Variants in SETD4 observed in about 807,000 individuals in gnomAD.
SETD4 encodes the protein SET domain-containing protein 4.
In SETD4, 46 loss-of-function variants were observed where a neutral mutation model predicts 58.3. That is an observed-to-expected ratio of 0.79 (90% CI 0.62 to 1.01). SETD4 has a LOEUF of 1.01. Ranked by LOEUF, SETD4 falls within the 50% of genes least tolerant of loss-of-function variation. The probability of loss-of-function intolerance (pLI) is 0.00; values close to 1 mark genes in which losing one functional copy is unlikely to be tolerated. For missense variants in SETD4, 490 were observed against 523.3 expected (o/e 0.94, Z 0.62); for synonymous variants, 190 against 202.6 (o/e 0.94, Z 0.53).
chr21:36,055,507 G>C (rs551934544), intron 3 of SETD4, among the ~76,000 whole-genome samples: 92 of 152,302 alleles, frequency 6.0e-4, no homozygotes, highest in African/African-American at 2.1e-3. Context: ...AGGCAGAAAA[G>C]AAGAGAGAGT....
rs186915509 is a variant in SETD4, at chr21:36,036,438, A to G, written c.1189-187T>C. 9 of 303,332 alleles carry G rather than the reference A, an allele frequency of 3.0e-5. No homozygotes were observed. In the East Asian group the frequency reaches 1.4e-3, roughly 47 times the overall value. 18.8% of individuals were successfully genotyped at this position (303,332 alleles called of 1,614,324 possible). On this transcript the variant is annotated intron_variant, in intron 10 of 11. Transcript: ENST00000332131. ...CTATCACCCAAACAGAAACTCTACA[A>G]GCATACATCAATAACCCTATTCCCC...
intron 4 of SETD4, among the ~76,000 whole-genome samples, chr21:36,052,638 T>C (rs995282891): frequency 1.3e-5 from 2 of 151,366 alleles, no homozygotes; most frequent in African/African-American, 2.4e-5. Flanking sequence ...TGTACACATC[T>C]GAGTGCAAGT....
In SETD4 at chr21:36,038,319, A is replaced by G. The variant is rs1204466359; in HGVS notation, c.1065-46T>C. On this transcript the variant is annotated intron_variant, in intron 9 of 11. Transcript: ENST00000332131. ...GACACAATTTTAGCAGGCTCTCAAAAAACAGATTTTTTTGTTTCAGTGCAA... is the reference window on the plus strand; with the variant it reads ...GACACAATTTTAGCAGGCTCTCAAAGAACAGATTTTTTTGTTTCAGTGCAA... 3 of 1,599,320 alleles carry G rather than the reference A, an allele frequency of 1.9e-6. No homozygotes were observed. In the African/African-American group the frequency reaches 4.1e-5, roughly 22 times the overall value.
chr21:36,038,070 C>G, intron 10 of SETD4, 80 bp downstream of exon 10: 3 of 1,462,110 alleles, frequency 2.1e-6, no homozygotes, highest in Non-Finnish European at 2.8e-6. Context: ...ATGAAATGCA[C>G]TATCCCTAAT....
intron 10 of SETD4, among the ~76,000 whole-genome samples, chr21:36,037,752 T>C (rs772350274): frequency 6.6e-6 from 1 of 152,008 alleles, no homozygotes; most frequent in Non-Finnish European, 1.5e-5. Context: ...TCCCAGCACT[T>C]TGGGAGGCTG....
chr21:36,048,247 G>T, intron 5 of SETD4, 61 bp downstream of exon 5: 2 of 1,281,760 alleles, frequency 1.6e-6, no homozygotes, highest in Non-Finnish European at 2.3e-6. Context: ...TGACATATTT[G>T]CCATTGACAG....
In SETD4 at chr21:36,048,345, T is replaced by C. The variant is rs1257444450; in HGVS notation, c.259A>G (p.Thr87Ala). The change falls in exon 5 of 12, where the codon ACA becomes GCA. Residue 87 changes from threonine to alanine, a missense_variant. Transcript: ENST00000332131. ...GCCCCTAAGTAGCTTCGAATCACTG[T>C]GTCCGTGGTGAGCAGGCAACTCTCA... ...LPESCLLTTD[T>A]VIRSYLGAYI... 6.2e-7 allele frequency: 1 copy of C among 1,614,020 alleles called. No homozygotes were observed. The highest frequency in any genetic ancestry group is 1.3e-5 in the African/African-American group (1 of 74,894).
At chr21:36,037,474 G>A (rs1025012395) in intron 10 of SETD4, among the ~76,000 whole-genome samples, 31 of 151,628 alleles carry the variant, frequency 2.0e-4, no homozygotes, top group Middle Eastern at 6.8e-3. Flanking sequence ...ATGTGGTGGC[G>A]GGCACTTGTA....
intron 5 of SETD4, among the ~76,000 whole-genome samples, chr21:36,047,834 C>CA (rs34827028): frequency 0.29 from 20,941 of 71,102 alleles, 2,358 homozygotes; most frequent in Middle Eastern, 0.35. Flanking sequence ...ACTAAAAATA[C>CA]AAAAAAAAAA....
chr21:36,041,769 T>G, intron 8 of SETD4, 38 bp downstream of exon 8: 2 of 1,392,228 alleles, frequency 1.4e-6, no homozygotes, highest in Non-Finnish European at 2.0e-6. Flanking sequence ...GAAAATTTCC[T>G]AAAGGAATAA....
chr21:36,036,784 G>T, intron 10 of SETD4: 1 of 224,026 alleles, frequency 4.5e-6, no homozygotes, highest in Non-Finnish European at 7.5e-6. Context: ...ATCAACCTAA[G>T]TATTCATCAA....
intron 8 of SETD4, 87 bp downstream of exon 8, chr21:36,041,720 G>T: frequency 1.1e-6 from 1 of 883,522 alleles, no homozygotes; most frequent in Non-Finnish European, 1.8e-6. Context: ...GTCAGGAGGG[G>T]TCTCACCCCC....
chr21:36,041,799 A>G lies in SETD4; in HGVS notation c.983+8T>C. 2 of 1,467,196 alleles carry G rather than the reference A, an allele frequency of 1.4e-6. No homozygotes were observed. Among genetic ancestry groups the G allele is most frequent in the East Asian group, 2.4e-5 (1 of 41,738 alleles). The allele number at this position is 1,467,196 out of a possible 1,614,324, so 90.9% of individuals were successfully genotyped here. A position where few individuals can be genotyped will look rare whatever the true frequency, so the allele number is the denominator to read the frequency against. On this transcript the variant is annotated splice_region_variant and intron_variant, in intron 8 of 11. Transcript: ENST00000332131. ...GAATAATTTTAAGAGGGAAAGAGAA[A>G]CACTTACTCTATATAGCCATGATCC...
In SETD4 at chr21:36,051,836, A is replaced by C. The variant is rs2064709628; in HGVS notation, c.207+1747T>G. Among the ~76,000 whole-genome samples the C allele has an allele frequency of 3.3e-5, 5 of 152,330 alleles. No individual in the cohort carries two copies. In the South Asian group the frequency reaches 8.3e-4, roughly 25 times the overall value. ...ATTTTTGTATTATACAGCTCTGAAA[A>C]TTCTGCCATTTCCTTATTAACTAGC... On this transcript the variant is annotated intron_variant, in intron 4 of 11. Coordinates refer to ENST00000332131, the MANE Select transcript of SETD4 (RefSeq NM_017438.5).
chr21:36,053,733 G>T, intron 3 of SETD4, 113 bp from the exon 4 acceptor site: 1 of 1,040,750 alleles, frequency 9.6e-7, no homozygotes, highest in Admixed American at 2.0e-5. Flanking sequence ...GGCTGAAGCT[G>T]GATGTCTCTC....
chr21:36,040,384 C>T (rs779520446), intron 9 of SETD4, among the ~76,000 whole-genome samples, 191 bp downstream of exon 9: 3 of 152,164 alleles, frequency 2.0e-5, no homozygotes, highest in Non-Finnish European at 4.4e-5. Flanking sequence ...AATTCCAAAA[C>T]GGTTAAAACT....
At chr21:36,041,146 C>A (rs937371558) in intron 8 of SETD4, among the ~76,000 whole-genome samples, 6 of 104,674 alleles carry the variant, frequency 5.7e-5, no homozygotes, top group African/African-American at 1.2e-4. Flanking sequence ...GGCGACAGAG[C>A]AAGACTCCTT....
intron 6 of SETD4, among the ~76,000 whole-genome samples, chr21:36,044,251 G>A (rs983727899): frequency 6.6e-5 from 10 of 152,250 alleles, no homozygotes; most frequent in Admixed American, 3.9e-4. Flanking sequence ...GCCCAGGGAA[G>A]GAGGACATGG....
At chr21:36,049,279 G>A (rs2123682108) in intron 4 of SETD4, among the ~76,000 whole-genome samples, 1 of 152,326 alleles carries the variant, frequency 6.6e-6, no homozygotes, top group Non-Finnish European at 1.5e-5. Flanking sequence ...CCAAGGCCAG[G>A]CGCGGTGGCT....
Sources: allele counts gnomAD v4.1 joint callset (sites outside exome capture counted in the v4.1 genomes callset), GRCh38; gene constraint gnomAD v4.1.1; transcripts MANE v1.5; gene names NCBI Gene and HGNC (gene_info 2026-07-23, HGNC 2026-07-21).